Variants in NAV2 observed in about 807,000 individuals in gnomAD.
The protein encoded by NAV2 is helicase, APC down-regulated 1.
A neutral mutation model predicts 223.2 loss-of-function variants in NAV2; 54 were observed. That is an observed-to-expected ratio of 0.24 (90% confidence interval 0.19 to 0.30). The LOEUF (loss-of-function observed/expected upper bound fraction) is 0.30. Ranked by LOEUF, NAV2 falls within the 10% of genes least tolerant of loss-of-function variation. The pLI is 1.00. For synonymous variants in NAV2, 1,279 were observed against 1,239.3 expected, an observed-to-expected ratio of 1.03 and a Z score of -0.67; for missense variants, 2,806 against 3,147.5, an observed-to-expected ratio of 0.89 and a Z score of 2.60.
In NAV2 at chr11:20,026,600, G is replaced by A. The variant is rs893069134; in HGVS notation, c.2769-9359G>A. Among the ~76,000 whole-genome samples the A allele has an allele frequency of 3.9e-5, 6 of 152,298 alleles. No homozygotes were observed. The East Asian group carries it at 5.8e-4, about 15-fold the overall frequency. ...GCCGGGATTACAGGCGTGAGCCATC[G>A]TGCCTGGCCAGCTTGCTTATAGTTT... On this transcript the variant is annotated intron_variant, in intron 11 of 37. Transcript: ENST00000349880.
chr11:19,632,486 C>T (rs1044579622), intron 1 of NAV2, among the ~76,000 whole-genome samples: 12 of 152,092 alleles, frequency 7.9e-5, no homozygotes, highest in African/African-American at 1.9e-4. Flanking sequence ...GATTATTCAA[C>T]GAGCTTTTAT....
rs532026787 is a variant in NAV2, at chr11:19,499,755, T to C, written c.75+148728T>C. Among the ~76,000 whole-genome samples, 29 of 152,310 alleles carry C rather than the reference T, an allele frequency of 1.9e-4. No homozygotes were observed. The South Asian group carries it at 5.6e-3, about 29-fold the overall frequency. On this transcript the variant is annotated intron_variant, in intron 1 of 37. Transcript: ENST00000360655. Reference sequence around the variant, plus strand: ...CAGTGCCTGGCCCAGGCCTGGCAGGTTATAAGAGCACATCAAATGTTGTTC... The same window carrying C: ...CAGTGCCTGGCCCAGGCCTGGCAGGCTATAAGAGCACATCAAATGTTGTTC...
Position 19,527,937 on chromosome 11 carries a change from GACACACAC to G in NAV2, c.75+176938_75+176945del, listed in dbSNP as rs67561376. Reference sequence around the variant, plus strand: ...TCACAAGGAGATAGCTCCCTGCCCTGACACACACACACACACACACACACACACACACA... The same window carrying G: ...TCACAAGGAGATAGCTCCCTGCCCTGACACACACACACACACACACACACA... On this transcript the variant is annotated intron_variant, in intron 1 of 37. Transcript: ENST00000360655. Among the ~76,000 whole-genome samples the G allele has an allele frequency of 7.4e-3, 1,062 of 143,320 alleles. 10 individuals carry two copies. The highest frequency in any genetic ancestry group is 0.025 in the African/African-American group (945 of 37,084). The allele number at this position is 143,320 out of a possible 152,430, so 94.0% of individuals were successfully genotyped here. A position where few individuals can be genotyped will look rare whatever the true frequency, so the allele number is the denominator to read the frequency against.
chr11:19,558,935 A>G (rs1238368027), intron 1 of NAV2, among the ~76,000 whole-genome samples: 1 of 151,698 alleles, frequency 6.6e-6, no homozygotes, highest in African/African-American at 2.4e-5. Context: ...GTGGCGCAGG[A>G]CTCCAAGAGA....
At chr11:19,555,921 T>C (rs2044872442) in intron 1 of NAV2, among the ~76,000 whole-genome samples, 2 of 151,432 alleles carry the variant, frequency 1.3e-5, no homozygotes, top group South Asian at 4.2e-4. Context: ...CCTGTGCTTA[T>C]CACCTGGCTG....
At chr11:19,860,380 C>G (rs2061684197) in intron 3 of NAV2, among the ~76,000 whole-genome samples, 1 of 148,584 alleles carries the variant, frequency 6.7e-6, no homozygotes, top group African/African-American at 2.5e-5. Flanking sequence ...AGACGCTCCT[C>G]ACATCCCGGA....
chr11:20,060,441 C>T (rs768827579), intron 19 of NAV2, among the ~76,000 whole-genome samples: 2 of 152,204 alleles, frequency 1.3e-5, no homozygotes, highest in African/African-American at 2.4e-5. Context: ...CATTATTGGC[C>T]ATTAACACCT....
intron 1 of NAV2, among the ~76,000 whole-genome samples, chr11:19,765,926 A>G (rs980717623): frequency 3.3e-5 from 5 of 151,934 alleles, no homozygotes; most frequent in African/African-American, 4.8e-5. Flanking sequence ...AGGACTTACT[A>G]TATCTTCACT....
intron 1 of NAV2, among the ~76,000 whole-genome samples, chr11:19,763,067 G>A (rs978710926): frequency 6.6e-6 from 1 of 152,136 alleles, no homozygotes; most frequent in Non-Finnish European, 1.5e-5. Flanking sequence ...AGGAGGGCAG[G>A]AACCTTGTCT....
chr11:19,373,744 G>C (rs1211863818), intron 1 of NAV2, among the ~76,000 whole-genome samples: 2 of 152,186 alleles, frequency 1.3e-5, no homozygotes, highest in African/African-American at 2.4e-5. Context: ...AAAGGCAAAA[G>C]CATTATCTTC....
At chr11:20,019,905 A>G (rs1423104190) in intron 11 of NAV2, among the ~76,000 whole-genome samples, 1 of 151,998 alleles carries the variant, frequency 6.6e-6, no homozygotes, top group Non-Finnish European at 1.5e-5. Flanking sequence ...AGTGGGAACA[A>G]ACATCTTGCC....
intron 11 of NAV2, among the ~76,000 whole-genome samples, chr11:20,025,512 C>G (rs527564035): frequency 3.3e-5 from 5 of 152,260 alleles, no homozygotes; most frequent in African/African-American, 1.2e-4. Context: ...CCTAGTGTAA[C>G]AATGAGGGTC....
intron 1 of NAV2, among the ~76,000 whole-genome samples, chr11:19,621,481 T>C (rs1411818291): frequency 1.3e-5 from 2 of 152,328 alleles, no homozygotes; most frequent in East Asian, 3.9e-4. Flanking sequence ...GGCTTAGTCT[T>C]GGGAGAGTGT....
intron 3 of NAV2, among the ~76,000 whole-genome samples, chr11:19,854,949 G>A (rs1286161269): frequency 6.6e-6 from 1 of 152,120 alleles, no homozygotes; most frequent in Non-Finnish European, 1.5e-5. Context: ...CCCAGCTCTG[G>A]CAAAGCACTT....
intron 1 of NAV2, among the ~76,000 whole-genome samples, chr11:19,635,588 G>C (rs1014819113): frequency 3.3e-5 from 5 of 152,226 alleles, no homozygotes; most frequent in African/African-American, 1.2e-4. Flanking sequence ...ACGTGGAAGG[G>C]AGGCAGATGT....
upstream of NAV2, among the ~76,000 whole-genome samples, chr11:19,708,717 G>C (rs563558160): frequency 5.9e-5 from 9 of 152,134 alleles, no homozygotes; most frequent in Non-Finnish European, 1.3e-4. Flanking sequence ...GAACTATCCA[G>C]TCTCTTAGGA....
chr11:19,945,822 G>A (rs1050419983), intron 8 of NAV2, among the ~76,000 whole-genome samples: 1 of 152,228 alleles, frequency 6.6e-6, no homozygotes, highest in African/African-American at 2.4e-5. Context: ...GAAGGATAGA[G>A]AGGACCAGCA....
At chr11:19,497,423 G>A (rs1238249941) in intron 1 of NAV2, among the ~76,000 whole-genome samples, 7 of 152,220 alleles carry the variant, frequency 4.6e-5, no homozygotes, top group Non-Finnish European at 8.8e-5. Context: ...GCCAGAACAT[G>A]ATGGAAGAAA....
intron 11 of NAV2, chr11:20,022,990 G>A (rs952369468): frequency 6.9e-7 from 1 of 1,450,544 alleles, no homozygotes; most frequent in African/African-American, 1.4e-5. Context: ...GAGTTGCTGG[G>A]TGCCTGGGAT....
Sources: allele counts gnomAD v4.1 joint callset (sites outside exome capture counted in the v4.1 genomes callset), GRCh38; gene constraint gnomAD v4.1.1; transcripts MANE v1.5; gene names NCBI Gene and HGNC (gene_info 2026-07-23, HGNC 2026-07-21).